TSGA10: variants seen among roughly 807,000 people sequenced by gnomAD.
TSGA10 encodes testis specific 10.
A neutral mutation model predicts 96.6 loss-of-function variants in TSGA10; 43 were observed. That is an observed-to-expected ratio of 0.44 (90% CI 0.35 to 0.57). TSGA10 has a LOEUF of 0.57. Ranked by LOEUF, TSGA10 falls within the 20% of genes least tolerant of loss-of-function variation. The pLI, the probability that TSGA10 is intolerant of heterozygous loss-of-function variation, is 0.01. For missense variants in TSGA10, 703 were observed against 834.4 expected, an observed-to-expected ratio of 0.84 and a Z score of 1.94; for synonymous variants, 229 against 269.9, an observed-to-expected ratio of 0.85 and a Z score of 1.48.
intron 2 of TSGA10, among the ~76,000 whole-genome samples, chr2:99,122,768 A>G (rs766641363): frequency 2.0e-5 from 3 of 151,480 alleles, no homozygotes; most frequent in Non-Finnish European, 2.9e-5. Context: ...TACAGCCTGG[A>G]TGACAGAGCA....
intron 16 of TSGA10, among the ~76,000 whole-genome samples, chr2:99,053,938 G>A (rs1191275296): frequency 6.6e-6 from 1 of 152,040 alleles, no homozygotes; most frequent in Non-Finnish European, 1.5e-5. Context: ...AATTAATAAT[G>A]TTAATGTTCA....
At chr2:99,137,021 G>A (rs1309711356) in intron 1 of TSGA10, among the ~76,000 whole-genome samples, 2 of 118,462 alleles carry the variant, frequency 1.7e-5, no homozygotes, top group East Asian at 2.4e-4. Context: ...TTTTTTTTGA[G>A]ACAGTCGTGC....
At chr2:99,050,985 C>T (rs927137977) in intron 16 of TSGA10, among the ~76,000 whole-genome samples, 5 of 152,096 alleles carry the variant, frequency 3.3e-5, no homozygotes, top group Non-Finnish European at 5.9e-5. Context: ...ACATGCTGTA[C>T]AGGTTTATAG....
rs754122051 is a variant in TSGA10 at position 99,093,571 on chromosome 2, T to A, written c.611+10396A>T. Among the ~76,000 whole-genome samples, 3 of 152,008 alleles carry A rather than the reference T, an allele frequency of 2.0e-5. No individual in the cohort carries two copies. The East Asian group carries it at 5.8e-4, about 29-fold the overall frequency. On this transcript the variant is annotated intron_variant, in intron 10 of 20. Coordinates refer to ENST00000393483, the MANE Select transcript of TSGA10 (RefSeq NM_025244.4). ...GAAAAGTTTCAGGATACAAAATCAATGTACACAAATCAGTAGCACTGCTAT... is the reference window on the plus strand; with the variant it reads ...GAAAAGTTTCAGGATACAAAATCAAAGTACACAAATCAGTAGCACTGCTAT...
At chr2:99,105,794 C>T (rs1287510774) in intron 7 of TSGA10, 97 bp from the exon 8 acceptor site, 1 of 860,530 alleles carries the variant, frequency 1.2e-6, no homozygotes, top group East Asian at 2.5e-5. Context: ...AAACCTACAT[C>T]AACATGCATG....
At chr2:99,077,508 TAAGC>T in intron 12 of TSGA10, among the ~76,000 whole-genome samples, 1 of 152,178 alleles carries the variant, frequency 6.6e-6, no homozygotes, top group Admixed American at 6.5e-5. Flanking sequence ...AATCAGTTTA[TAAGC>T]TAGAAAATAA....
intron 16 of TSGA10, among the ~76,000 whole-genome samples, chr2:99,059,954 C>T (rs1252118811): frequency 2.0e-5 from 3 of 148,724 alleles, no homozygotes; most frequent in South Asian, 2.1e-4. Context: ...AAACCTGCAG[C>T]TAATATCATA....
rs1432775543 is a variant in TSGA10 at position 99,018,782 on chromosome 2, A to C, written c.1818-142T>G. On this transcript the variant is annotated intron_variant, in intron 18 of 20. Transcript: ENST00000393483. ...TTTTTATGGCCAGATTTATTAGTAC[A>C]TCTAAAATATGCCCATGTTAGACAT... The C allele has an allele frequency of 1.4e-5, 10 of 690,428 alleles. No individual in the cohort carries two copies. The Admixed American group carries it at 1.9e-4, about 13-fold the overall frequency. 42.8% of individuals were successfully genotyped at this position (690,428 alleles called of 1,614,324 possible).
chr2:99,003,213 T>C (rs976438895), intron 20 of TSGA10, among the ~76,000 whole-genome samples: 4 of 152,052 alleles, frequency 2.6e-5, no homozygotes, highest in African/African-American at 9.7e-5. Flanking sequence ...CATTACATAA[T>C]GGTAAAGGGA....
chr2:99,147,607 T>C, intron 1 of TSGA10: 1 of 913,446 alleles, frequency 1.1e-6, no homozygotes, highest in East Asian at 2.5e-5. Context: ...TCTTTTACGT[T>C]TGTTGATTTC....
chr2:99,017,847 A>G (rs1462832645), intron 20 of TSGA10, among the ~76,000 whole-genome samples: 1 of 151,994 alleles, frequency 6.6e-6, no homozygotes. Flanking sequence ...ATAAAGGAGT[A>G]CACAATGGGT....
chr2:99,121,720 C>T (rs1223750318), intron 2 of TSGA10, among the ~76,000 whole-genome samples: 2 of 152,146 alleles, frequency 1.3e-5, no homozygotes, highest in African/African-American at 4.8e-5. Context: ...GATCCATCCA[C>T]CTGCCAAAGT....
At chr2:99,066,395 C>T (rs1001738168) in intron 15 of TSGA10, among the ~76,000 whole-genome samples, 4 of 152,088 alleles carry the variant, frequency 2.6e-5, no homozygotes, top group Admixed American at 1.3e-4. Context: ...TATACTTAAA[C>T]GAATTGTATT....
At chr2:99,135,796 G>A (rs1029247034) in intron 1 of TSGA10, among the ~76,000 whole-genome samples, 28 of 152,150 alleles carry the variant, frequency 1.8e-4, no homozygotes, top group African/African-American at 6.3e-4. Flanking sequence ...ATCACCTGAG[G>A]TCAGGAGTTT....
At chr2:99,059,078 T>TTATATATATATATATATATA (rs756097906) in intron 16 of TSGA10, among the ~76,000 whole-genome samples, 1 of 140,594 alleles carries the variant, frequency 7.1e-6, no homozygotes, top group Non-Finnish European at 1.5e-5. Flanking sequence ...ATTTATATAT[T>TTATATATATATATATATATA]TTTATATATA....
At chr2:99,133,468 C>T (rs377013232) in intron 1 of TSGA10, among the ~76,000 whole-genome samples, 3 of 152,078 alleles carry the variant, frequency 2.0e-5, no homozygotes, top group Admixed American at 6.5e-5. Flanking sequence ...TTATTTTGAG[C>T]CTATGTGTGT....
intron 10 of TSGA10, among the ~76,000 whole-genome samples, chr2:99,092,881 A>G (rs888921703): frequency 2.6e-5 from 4 of 152,274 alleles, no homozygotes; most frequent in African/African-American, 9.6e-5. Context: ...ATAAAGAGGG[A>G]ATTTTCCCTA....
chr2:99,099,882 T>C (rs796507999), intron 10 of TSGA10, among the ~76,000 whole-genome samples: 7 of 152,226 alleles, frequency 4.6e-5, no homozygotes, highest in African/African-American at 1.7e-4. Flanking sequence ...CACACCAAAA[T>C]ACAAAAATCA....
chr2:99,002,222 G>C (rs2077991296), intron 20 of TSGA10, among the ~76,000 whole-genome samples: 1 of 152,138 alleles, frequency 6.6e-6, no homozygotes, highest in African/African-American at 2.4e-5. Flanking sequence ...AAAATATTAA[G>C]GGCAGCCAGA....
Sources: allele counts gnomAD v4.1 joint callset (sites outside exome capture counted in the v4.1 genomes callset), GRCh38; gene constraint gnomAD v4.1.1; transcripts MANE v1.5; gene names NCBI Gene and HGNC (gene_info 2026-07-23, HGNC 2026-07-21).